The following ABCD4 variants were observed in gnomAD, a reference collection of about 807,000 sequenced individuals.
ABCD4 encodes lysosomal cobalamin transporter ABCD4.
In ABCD4, 53 loss-of-function variants were observed where a neutral mutation model predicts 86.3. That is an observed-to-expected ratio of 0.61 (90% confidence interval 0.49 to 0.77). ABCD4 has a LOEUF of 0.77. Ranked by LOEUF, ABCD4 falls within the 30% of genes least tolerant of loss-of-function variation. The pLI, the probability that ABCD4 is intolerant of heterozygous loss-of-function variation, is 0.00. For missense variants in ABCD4, 757 were observed against 764.5 expected (o/e 0.99, Z 0.12); for synonymous variants, 328 against 313.6 (o/e 1.05, Z -0.49).
At chr14:74,297,048 G>A (rs2140032114) in intron 4 of ABCD4, 1 of 152,760 alleles carries the variant, frequency 6.5e-6, no homozygotes, top group South Asian at 2.1e-4. Context: ...TTGCTAGGAA[G>A]GTGGTGAGTG....
chr14:74,290,606 C>T (rs753394085), intron 11 of ABCD4, 107 bp from the exon 12 acceptor site: 48 of 797,386 alleles, frequency 6.0e-5, no homozygotes, highest in Non-Finnish European at 9.6e-5. Context: ...TATGGGCTGA[C>T]TTGCATCCTC....
chr14:74,300,164 C>T lies in ABCD4; in HGVS notation c.143G>A (p.Cys48Tyr). Residue 48 changes from cysteine (C) to tyrosine (Y), a missense_variant, in exon 2 of 19, where the codon TGC (cysteine) becomes TAC (tyrosine). Cys to Tyr is a radical substitution (Grantham distance 194). Transcript: ENST00000356924. ...QNALMFLTLL[C>Y]LTLLEQFVIY... ...CACTCACTCACCCAGTAGGGTCAGG[C>T]ACAAAAGGGTCAGGAACATCAAGGC... 1 of 1,612,260 alleles carries T rather than the reference C, an allele frequency of 6.2e-7. No homozygotes were observed. The highest frequency in any genetic ancestry group is 1.3e-5 in the African/African-American group (1 of 74,728).
At chr14:74,288,854 C>A in intron 14 of ABCD4, 89 bp from the exon 15 acceptor site, 2 of 1,504,710 alleles carry the variant, frequency 1.3e-6, no homozygotes, top group Non-Finnish European at 1.8e-6. Context: ...TGGCTCACGC[C>A]TGTAATCCCA....
chr14:74,297,602 A>C, intron 4 of ABCD4: 4 of 538,640 alleles, frequency 7.4e-6, no homozygotes, highest in Non-Finnish European at 9.7e-6. Context: ...TATGTTGCCC[A>C]GGCTAGAGTA....
chr14:74,300,230 T>C lies in ABCD4; in HGVS notation c.77A>G (p.Gln26Arg). Residue 26 changes from glutamine to arginine, a missense_variant, in exon 2 of 19, where the codon CAG becomes CGG. By Grantham distance (43) the Gln-to-Arg change is conservative (BLOSUM62 1). Coordinates refer to ENST00000356924, the MANE Select transcript of ABCD4 (RefSeq NM_005050.4). ...AGAAGGAAACAAAACCTTCAGTATC[T>C]GCAGGAACCGCTGGAGAAATTGCAG... ...LDLQFLQRFL[Q>R]ILKVLFPSWS... The C allele has an allele frequency of 6.2e-7, 1 of 1,613,830 alleles. No homozygotes were observed. Among genetic ancestry groups the C allele is most frequent in the Non-Finnish European group, 8.5e-7 (1 of 1,179,876 alleles).
At chr14:74,287,206 A>G (rs1316669424) in intron 17 of ABCD4, among the ~76,000 whole-genome samples, 2 of 152,146 alleles carry the variant, frequency 1.3e-5, no homozygotes, top group Non-Finnish European at 2.9e-5. Context: ...AGAGGAGCAT[A>G]AAATTATAAC....
chr14:74,301,089 G>A (rs1366835131), intron 1 of ABCD4, among the ~76,000 whole-genome samples: 1 of 151,582 alleles, frequency 6.6e-6, no homozygotes, highest in African/African-American at 2.4e-5. Context: ...CCTGACCTCC[G>A]GTGATCCACC....
In ABCD4 at chr14:74,293,217, G is replaced by A. The variant is rs141868117; in HGVS notation, c.751C>T (p.Arg251Cys). The A allele has an allele frequency of 1.6e-3, 2,596 of 1,614,144 alleles. 3 individuals carry two copies. The highest frequency in any genetic ancestry group is 1.9e-3 in the Non-Finnish European group (2,200 of 1,180,034). ...GTCTGAAGGAGTCTCTGCAGCCTGC[G>A]GTCTGTCCTCATGTGCTCCACATGC... ...AGHVEHMRTDRRLQRLLQTQR... is the reference protein window; with the variant it reads ...AGHVEHMRTDCRLQRLLQTQR... The change falls in exon 8 of 19, where the codon CGC (arginine) becomes TGC (cysteine). Residue 251 changes from arginine to cysteine, a missense_variant. Transcript: ENST00000356924.
chr14:74,292,616 G>A lies in ABCD4; in HGVS notation c.963C>T (p.Ile321=). ...GGTCGATGAGCTGGGTGAAGCAGCT[G>A]ATGAGGTAGATGCACACAAAGGCAT... ...SKNAFVCIYL[I]SCFTQLIDLS... Residue 321 remains isoleucine (I), a synonymous_variant, in exon 10 of 19, where the codon ATC becomes ATT. Transcript: ENST00000356924. The A allele has an allele frequency of 1.2e-6, 2 of 1,613,310 alleles. No homozygotes were observed. Among genetic ancestry groups the A allele is most frequent in the African/African-American group, 1.3e-5 (1 of 74,712 alleles).
In ABCD4 at chr14:74,296,312, TG is replaced by T; in HGVS notation, c.542+20del. On this transcript the variant is annotated intron_variant, in intron 5 of 18. Transcript: ENST00000356924. ...AGGGCCCTCTGGGGAAACACCAGGC[TG>T]GGGAGGAGGGAGGCTTCACCTTTGG... The T allele has an allele frequency of 6.2e-6, 10 of 1,608,856 alleles. No homozygotes were observed. Among genetic ancestry groups the T allele is most frequent in the Non-Finnish European group, 8.5e-6 (10 of 1,175,350 alleles).
chr14:74,293,006 A>T (rs1180119467), intron 8 of ABCD4, 137 bp from the exon 9 acceptor site: 12 of 1,489,688 alleles, frequency 8.1e-6, no homozygotes, highest in Non-Finnish European at 1.0e-5. Context: ...GGATACTCAC[A>T]GAAAGGCAAC....
Position 74,295,929 on chromosome 14 carries a change from G to A in ABCD4, c.593C>T (p.Thr198Ile), listed in dbSNP as rs1423645540. The change falls in exon 6 of 19, where the codon ACC (threonine) becomes ATC (isoleucine). Residue 198 changes from threonine to isoleucine, a missense_variant. Coordinates refer to ENST00000356924, the MANE Select transcript of ABCD4 (RefSeq NM_005050.4). ...GCCCATCAAAGTTTTGTTCACCACGGTCCCCAGGATGAAATACCCGAAGAT... is the reference window on the plus strand; with the variant it reads ...GCCCATCAAAGTTTTGTTCACCACGATCCCCAGGATGAAATACCCGAAGAT... ...VSIFGYFILG[T>I]VVNKTLMGPI... 2.5e-6 allele frequency: 4 copies of A among 1,612,504 alleles called. No homozygotes were observed. The East Asian group carries it at 8.9e-5, about 36-fold the overall frequency.
chr14:74,298,837 G>T (rs1471528685), intron 3 of ABCD4, among the ~76,000 whole-genome samples: 4 of 152,238 alleles, frequency 2.6e-5, no homozygotes, highest in African/African-American at 7.2e-5. Context: ...CATTAGGCTT[G>T]AGTTCTGGTA....
intron 13 of ABCD4, 93 bp from the exon 14 acceptor site, chr14:74,289,612 T>G: frequency 6.4e-7 from 1 of 1,552,972 alleles, no homozygotes; most frequent in Non-Finnish European, 8.7e-7. Context: ...CACTGGAACC[T>G]CCCAAGGAGG....
At chr14:74,295,528 C>A (rs932297379) in intron 6 of ABCD4, among the ~76,000 whole-genome samples, 1 of 152,206 alleles carries the variant, frequency 6.6e-6, no homozygotes, top group Non-Finnish European at 1.5e-5. Flanking sequence ...TTGGCTGCCA[C>A]ACCCAACTGA....
At chr14:74,298,188 T>C in intron 3 of ABCD4, 119 bp from the exon 4 acceptor site, 1 of 1,485,766 alleles carries the variant, frequency 6.7e-7, no homozygotes, top group Non-Finnish European at 8.9e-7. Flanking sequence ...CTCTGATTAC[T>C]CCGTCCACTC....
chr14:74,286,386 G>T lies in ABCD4; in HGVS notation c.*75C>A. On this transcript the variant is annotated 3_prime_UTR_variant, in exon 19 of 19. Transcript: ENST00000356924. ...TGTGGCGAACCTGAGCTCGATCTTC[G>T]CTGTCAGTCCTCCTGGTCTCTCCTG... 1 of 1,519,014 alleles carries T rather than the reference G, an allele frequency of 6.6e-7. No homozygotes were observed. The highest frequency in any genetic ancestry group is 9.1e-7 in the Non-Finnish European group (1 of 1,096,796). The allele number at this position is 1,519,014 out of a possible 1,614,324, so 94.1% of individuals were successfully genotyped here.
At chr14:74,291,217 T>C (rs773313735) in intron 11 of ABCD4, among the ~76,000 whole-genome samples, 1 of 152,208 alleles carries the variant, frequency 6.6e-6, no homozygotes, top group Non-Finnish European at 1.5e-5. Flanking sequence ...TTAATTTCTA[T>C]TGTTTAAGCC....
At chr14:74,288,551 G>A (rs1178302900) in intron 15 of ABCD4, 165 bp downstream of exon 15, 5 of 780,812 alleles carry the variant, frequency 6.4e-6, no homozygotes, top group Non-Finnish European at 1.0e-5. Flanking sequence ...CCCCCTTCGT[G>A]CCTAAACCTG....
Sources: gnomAD v4.1 joint callset for allele counts (sites outside exome capture counted in the v4.1 genomes callset) on GRCh38, gnomAD v4.1.1 for gene constraint, MANE v1.5 for transcripts, NCBI Gene and HGNC (gene_info 2026-07-23, HGNC 2026-07-21) for gene names.